Variants in CALN1 observed in about 807,000 individuals in gnomAD.
CALN1 encodes the protein calcium-binding protein 8.
In CALN1, 17 loss-of-function variants were observed where a neutral mutation model predicts 30.6. The ratio of observed to expected loss-of-function variants is 0.56; its 90% CI spans 0.38 to 0.83. The LOEUF (loss-of-function observed/expected upper bound fraction) is 0.83, where lower values mean the gene tolerates loss of function less well. Among genes scored for constraint, CALN1 ranks in the 40% least tolerant of loss-of-function variants. The pLI, the probability that CALN1 is intolerant of heterozygous loss-of-function variation, is 0.00. For synonymous variants in CALN1, 156 were observed against 131.4 expected, an observed-to-expected ratio of 1.19 and a Z score of -1.28; for missense variants, 291 against 354.9, an observed-to-expected ratio of 0.82 and a Z score of 1.45.
At chr7:72,362,430 C>T (rs1356974322) in intron 2 of CALN1, among the ~76,000 whole-genome samples, 4 of 152,202 alleles carry the variant, frequency 2.6e-5, no homozygotes, top group Non-Finnish European at 5.9e-5. Flanking sequence ...CTACCAGCTT[C>T]TCTGGTGGCT....
intron 2 of CALN1, among the ~76,000 whole-genome samples, chr7:72,318,674 A>C (rs951469670): frequency 6.9e-6 from 1 of 145,966 alleles, no homozygotes; most frequent in Non-Finnish European, 1.5e-5. Context: ...CTGAGTAGCT[A>C]GAACCACAGG....
chr7:72,281,135 TA>T (rs757061611), intron 2 of CALN1, among the ~76,000 whole-genome samples: 3,502 of 141,680 alleles, frequency 0.025, 90 homozygotes, highest in African/African-American at 0.055. Context: ...CAAGAGCGTC[TA>T]AAAAAAAAAA....
intron 2 of CALN1, among the ~76,000 whole-genome samples, chr7:72,366,550 G>C (rs1054132616): frequency 6.6e-6 from 1 of 150,848 alleles, no homozygotes; most frequent in African/African-American, 2.4e-5. Flanking sequence ...TGAATTTTTA[G>C]TGCTGAATTC....
chr7:72,217,956 C>T (rs1303023237), intron 3 of CALN1, among the ~76,000 whole-genome samples: 2 of 149,606 alleles, frequency 1.3e-5, no homozygotes, highest in African/African-American at 2.5e-5. Flanking sequence ...CATTCTCCTG[C>T]CTCAGCCTCC....
At chr7:72,067,794 G>C (rs1367150570) in intron 4 of CALN1, among the ~76,000 whole-genome samples, 1 of 151,040 alleles carries the variant, frequency 6.6e-6, no homozygotes, top group Non-Finnish European at 1.5e-5. Context: ...CCCAGGTCCA[G>C]CAAGGGCTGA....
chr7:72,224,138 C>A (rs1360171141), intron 3 of CALN1, among the ~76,000 whole-genome samples: 1 of 151,990 alleles, frequency 6.6e-6, no homozygotes, highest in African/African-American at 2.4e-5. Context: ...ACACAATATA[C>A]CCTTGTAACA....
At chr7:72,083,405 C>T (rs1265650289) in intron 4 of CALN1, among the ~76,000 whole-genome samples, 1 of 151,204 alleles carries the variant, frequency 6.6e-6, no homozygotes, top group African/African-American at 2.4e-5. Context: ...ATAGTGAGAC[C>T]CCCATCTCTA....
At position 71,926,703 on chromosome 7, in the gene CALN1, C is replaced by G. The variant is rs1056329661; in HGVS notation, c.501+96954G>C. Among the ~76,000 whole-genome samples, 5 of 151,988 alleles carry G rather than the reference C, an allele frequency of 3.3e-5. No individual in the cohort carries two copies. The South Asian group carries it at 1.0e-3, about 31-fold the overall frequency. On this transcript the variant is annotated intron_variant, in intron 5 of 6. Coordinates refer to ENST00000395275, the MANE Select transcript of CALN1 (RefSeq NM_031468.4). Reference sequence around the variant, plus strand: ...TTTTTAAAATTTATTCTTTTTACCTCTTTGTGTTTCATTTGGTCAATTTCT... The same window carrying G: ...TTTTTAAAATTTATTCTTTTTACCTGTTTGTGTTTCATTTGGTCAATTTCT...
intron 2 of CALN1, among the ~76,000 whole-genome samples, chr7:72,378,360 C>T (rs1353113053): frequency 6.6e-6 from 1 of 152,158 alleles, no homozygotes; most frequent in African/African-American, 2.4e-5. Flanking sequence ...TCTGTTCTCA[C>T]CAAAATTCAG....
chr7:72,329,072 T>C (rs1417653746), intron 2 of CALN1, among the ~76,000 whole-genome samples: 1 of 152,266 alleles, frequency 6.6e-6, no homozygotes. Context: ...AAATCATTCA[T>C]AACGCCAACA....
rs556710278 is a variant in CALN1 at position 71,958,099 on chromosome 7, A to C, written c.501+65558T>G. On this transcript the variant is annotated intron_variant, in intron 5 of 6. Coordinates refer to ENST00000395275, the MANE Select transcript of CALN1 (RefSeq NM_031468.4). ...AAAAAAAAAAGAAAGAAAGAAAAAA[A>C]AAGAAAAAGAAAAAAAAAGAAAGTG... 4.6e-5 allele frequency among the ~76,000 whole-genome samples: 7 copies of C among 151,446 alleles called. 1 individual carries two copies. In the South Asian group the frequency reaches 1.3e-3, roughly 27 times the overall value.
chr7:72,408,168 C>T (rs893165868), intron 1 of CALN1, among the ~76,000 whole-genome samples: 1 of 151,534 alleles, frequency 6.6e-6, no homozygotes, highest in Non-Finnish European at 1.5e-5. Context: ...CATGGAGGCT[C>T]ACATCTGTAA....
At chr7:72,425,600 T>C (rs1246261298) in intron 1 of CALN1, among the ~76,000 whole-genome samples, 1 of 152,232 alleles carries the variant, frequency 6.6e-6, no homozygotes, top group African/African-American at 2.4e-5. Flanking sequence ...TACCTCATCG[T>C]TACTATTGCA....
intron 2 of CALN1, among the ~76,000 whole-genome samples, chr7:72,381,483 A>G (rs2001334): frequency 0.2 from 30,881 of 152,152 alleles, 3,950 homozygotes; most frequent in East Asian, 0.37. Context: ...TGGCACATAT[A>G]TACCACGAAT....
At chr7:71,966,066 T>C (rs1267554008) in intron 5 of CALN1, among the ~76,000 whole-genome samples, 1 of 152,152 alleles carries the variant, frequency 6.6e-6, no homozygotes, top group Non-Finnish European at 1.5e-5. Flanking sequence ...AATTTCTATT[T>C]TGCAGGTTAA....
chr7:72,044,910 G>A (rs753484247), intron 4 of CALN1, among the ~76,000 whole-genome samples: 23 of 152,122 alleles, frequency 1.5e-4, no homozygotes, highest in African/African-American at 3.6e-4. Flanking sequence ...GTGAGCCACT[G>A]CACCCAGCTA....
At chr7:71,947,262 C>T (rs867588695) in intron 5 of CALN1, among the ~76,000 whole-genome samples, 2 of 152,250 alleles carry the variant, frequency 1.3e-5, no homozygotes, top group African/African-American at 2.4e-5. Context: ...CTGCCCACCT[C>T]GGCCTCCCGA....
At chr7:72,079,164 A>G (rs1804950443) in intron 4 of CALN1, among the ~76,000 whole-genome samples, 1 of 152,220 alleles carries the variant, frequency 6.6e-6, no homozygotes, top group African/African-American at 2.4e-5. Context: ...AGGACCTTCA[A>G]GGATGCAAAG....
At position 72,203,979 on chromosome 7, in the gene CALN1, C is replaced by CTATTTTTTTTTTTTTTTTTTT. The variant is rs59798860; in HGVS notation, c.244+74706_244+74707insAAAAAAAAAAAAAAAAAAATA. On this transcript the variant is annotated intron_variant, in intron 3 of 6. Transcript: ENST00000395275. ...TAGCCTTCATATAAGAGGCCTCTCT[C>CTATTTTTTTTTTTTTTTTTTT]TTTTTTTTTTTTTTTTTTTTTTTTT... 2.4e-5 allele frequency among the ~76,000 whole-genome samples: 2 copies of CTATTTTTTTTTTTTTTTTTTT among 83,778 alleles called. 1 individual carries two copies. Among genetic ancestry groups the CTATTTTTTTTTTTTTTTTTTT allele is most frequent in the African/African-American group, 1.0e-4 (2 of 19,086 alleles). The allele number at this position is 83,778 out of a possible 152,430, so 55.0% of individuals were successfully genotyped here.
Sources: allele counts gnomAD v4.1 joint callset (sites outside exome capture counted in the v4.1 genomes callset), GRCh38; gene constraint gnomAD v4.1.1; transcripts MANE v1.5; gene names NCBI Gene and HGNC (gene_info 2026-07-23, HGNC 2026-07-21).